SLC44A1: variants seen among roughly 807,000 people sequenced by gnomAD.
The protein encoded by SLC44A1 is choline transporter-like protein 1.
In SLC44A1, 26 loss-of-function variants were observed where a neutral mutation model predicts 79.3. The observed-to-expected ratio is 0.33, with a 90% CI of 0.24 to 0.46. The LOEUF (loss-of-function observed/expected upper bound fraction) is 0.46. SLC44A1 is among the 20% of genes least tolerant of loss of function. The pLI, the probability that SLC44A1 is intolerant of heterozygous loss-of-function variation, is 1.00. For missense variants in SLC44A1, 688 were observed against 798.1 expected (o/e 0.86, Z 1.66); for synonymous variants, 263 against 286.2 (o/e 0.92, Z 0.82).
chr9:105,380,670 T>G (rs1035765023), intron 13 of SLC44A1, among the ~76,000 whole-genome samples: 3 of 152,184 alleles, frequency 2.0e-5, no homozygotes, highest in African/African-American at 7.2e-5. Flanking sequence ...ATGAGAAATA[T>G]AATAGAAGTC....
chr9:105,400,659 T>C (rs1828947079), downstream of SLC44A1, among the ~76,000 whole-genome samples: 1 of 152,192 alleles, frequency 6.6e-6, no homozygotes, highest in Non-Finnish European at 1.5e-5. Context: ...TGCAATAATA[T>C]GAAATATTGA....
At chr9:105,371,271 A>C (rs1828089512) in intron 12 of SLC44A1, among the ~76,000 whole-genome samples, 1 of 152,236 alleles carries the variant, frequency 6.6e-6, no homozygotes, top group African/African-American at 2.4e-5. Context: ...ACAGGAGGTC[A>C]GCAAGCTTTC....
intron 5 of SLC44A1, among the ~76,000 whole-genome samples, chr9:105,351,628 GAAAGAGAA>G (rs1191771440): frequency 2.3e-5 from 1 of 43,978 alleles, no homozygotes; most frequent in Non-Finnish European, 5.1e-5. Context: ...GAAAGAGAGA[GAAAGAGAA>G]AGAAAGAAAG....
chr9:105,383,085 T>C (rs1363572358), intron 13 of SLC44A1, 38 bp from the exon 14 acceptor site: 1 of 1,432,450 alleles, frequency 7.0e-7, no homozygotes, highest in African/African-American at 1.4e-5. Flanking sequence ...CTTTCTTCAG[T>C]AGGATATTAA....
At chr9:105,380,675 G>GT (rs986382539) in intron 13 of SLC44A1, among the ~76,000 whole-genome samples, 12 of 152,046 alleles carry the variant, frequency 7.9e-5, no homozygotes, top group Non-Finnish European at 1.3e-4. Context: ...AAATATAATA[G>GT]AAGTCCCAGG....
intron 15 of SLC44A1, among the ~76,000 whole-genome samples, chr9:105,408,656 C>A (rs566100539): frequency 6.6e-6 from 1 of 152,162 alleles, no homozygotes; most frequent in Non-Finnish European, 1.5e-5. Flanking sequence ...GGTGATCCAC[C>A]CACCTCGGCT....
At chr9:105,386,018 T>A (rs1828617033) in intron 15 of SLC44A1, 2 of 985,288 alleles carry the variant, frequency 2.0e-6, no homozygotes, top group Non-Finnish European at 1.2e-6. Context: ...GTACTTTCTT[T>A]GTTTCTTAAG....
chr9:105,408,599 CAG>C (rs1437327191), intron 15 of SLC44A1, among the ~76,000 whole-genome samples: 3 of 152,084 alleles, frequency 2.0e-5, no homozygotes, highest in Non-Finnish European at 4.4e-5. Context: ...TTAGTAGAGA[CAG>C]AGTTTTACCA....
At chr9:105,256,860 T>C (rs914276398) in intron 1 of SLC44A1, among the ~76,000 whole-genome samples, 11 of 151,942 alleles carry the variant, frequency 7.2e-5, no homozygotes, top group African/African-American at 2.7e-4. Flanking sequence ...TGATCTCAGC[T>C]CACTTTAACC....
chr9:105,340,572 A>G (rs1056648342), intron 4 of SLC44A1, among the ~76,000 whole-genome samples: 3 of 152,236 alleles, frequency 2.0e-5, no homozygotes, highest in African/African-American at 4.8e-5. Context: ...TATTAAGTTC[A>G]TGAAAGAGTC....
At chr9:105,354,724 C>T (rs996665911) in intron 5 of SLC44A1, among the ~76,000 whole-genome samples, 2 of 152,176 alleles carry the variant, frequency 1.3e-5, no homozygotes, top group Non-Finnish European at 2.9e-5. Flanking sequence ...AACGTTCCAC[C>T]AAATATGACA....
chr9:105,433,012 TCGCCG>T (rs1829416771), intron 15 of SLC44A1, among the ~76,000 whole-genome samples: 2 of 152,030 alleles, frequency 1.3e-5, no homozygotes, highest in African/African-American at 2.4e-5. Flanking sequence ...CTTTTACAAA[TCGCCG>T]GGCGTGGTGG....
intron 1 of SLC44A1, among the ~76,000 whole-genome samples, chr9:105,259,788 C>G (rs923094126): frequency 2.6e-5 from 4 of 152,178 alleles, no homozygotes; most frequent in Non-Finnish European, 5.9e-5. Flanking sequence ...AAGCAGATTT[C>G]AGTTATGAAA....
intron 1 of SLC44A1, among the ~76,000 whole-genome samples, chr9:105,274,127 C>T (rs1329918504): frequency 6.6e-6 from 1 of 152,130 alleles, no homozygotes; most frequent in Admixed American, 6.6e-5. Flanking sequence ...TGAGGTTTTG[C>T]TTATGCTCAT....
chr9:105,438,349 T>C lies in SLC44A1; in HGVS notation c.*54T>C, dbSNP rs367847384. The C allele has an allele frequency of 4.9e-5, 70 of 1,432,578 alleles. 1 individual carries two copies. The East Asian group carries it at 7.4e-4, about 15-fold the overall frequency. The allele number at this position is 1,432,578 out of a possible 1,614,324, so 88.7% of individuals were successfully genotyped here. A position where few individuals can be genotyped will look rare whatever the true frequency, so the allele number is the denominator to read the frequency against. ...TCAGAGGAGGTTGTTTACATGAGGTTCTCCCACTCACCAGCTGTTGAGAGT... is the reference window on the plus strand; with the variant it reads ...TCAGAGGAGGTTGTTTACATGAGGTCCTCCCACTCACCAGCTGTTGAGAGT... On this transcript the variant is annotated 3_prime_UTR_variant, in exon 16 of 16. Coordinates refer to the SLC44A1 transcript ENST00000374724.
intron 4 of SLC44A1, among the ~76,000 whole-genome samples, chr9:105,341,082 C>A (rs184787542): frequency 6.6e-6 from 1 of 152,254 alleles, no homozygotes; most frequent in East Asian, 1.9e-4. Context: ...CACCTATAAT[C>A]CCAGCACTTT....
intron 2 of SLC44A1, 73 bp from the exon 3 acceptor site, chr9:105,309,651 A>G: frequency 2.2e-6 from 3 of 1,392,598 alleles, no homozygotes; most frequent in Non-Finnish European, 3.0e-6. Flanking sequence ...AAAGAAGCTC[A>G]TTATCGTATC....
At chr9:105,311,815 C>T (rs1554791227) in intron 3 of SLC44A1, among the ~76,000 whole-genome samples, 1 of 152,140 alleles carries the variant, frequency 6.6e-6, no homozygotes, top group Non-Finnish European at 1.5e-5. Flanking sequence ...AAAAAATGAA[C>T]AGACTTTTTT....
intron 3 of SLC44A1, among the ~76,000 whole-genome samples, chr9:105,314,193 C>T (rs1831257718): frequency 6.6e-6 from 1 of 152,102 alleles, no homozygotes; most frequent in Non-Finnish European, 1.5e-5. Context: ...TGAGCTGGGA[C>T]AAAAGGTCTA....
Sources: gnomAD v4.1 joint callset for allele counts (sites outside exome capture counted in the v4.1 genomes callset) on GRCh38, gnomAD v4.1.1 for gene constraint, MANE v1.5 for transcripts, NCBI Gene and HGNC (gene_info 2026-07-23, HGNC 2026-07-21) for gene names.